RGS20: variants seen among roughly 807,000 people sequenced by gnomAD.
RGS20 encodes regulator of G protein signaling 20, also known as gz-selective GTPase-activating protein.
A neutral mutation model predicts 33.6 loss-of-function variants in RGS20; 30 were observed. The observed-to-expected ratio is 0.89, with a 90% CI of 0.67 to 1.21. RGS20 has a LOEUF of 1.21. Among genes scored for constraint, RGS20 ranks in the 50% most tolerant of loss-of-function variants. RGS20 has a pLI of 0.00. For missense variants in RGS20, 472 were observed against 502.4 expected (o/e 0.94, Z 0.58); for synonymous variants, 208 against 197.9 (o/e 1.05, Z -0.43).
intron 2 of RGS20, among the ~76,000 whole-genome samples, chr8:53,924,087 A>G (rs1006951541): frequency 2.0e-5 from 3 of 151,872 alleles, no homozygotes; most frequent in Non-Finnish European, 4.4e-5. Flanking sequence ...GAATGATTAT[A>G]GTTCACTGCA....
chr8:53,879,735 C>A (rs371425801), intron 2 of RGS20: 2 of 772,374 alleles, frequency 2.6e-6, no homozygotes, highest in East Asian at 3.3e-5. Context: ...TCGGGAAGGC[C>A]GGGACGTGGC....
At chr8:53,882,416 G>T (rs1812416726) in intron 2 of RGS20, among the ~76,000 whole-genome samples, 1 of 152,074 alleles carries the variant, frequency 6.6e-6, no homozygotes, top group Admixed American at 6.5e-5. Flanking sequence ...GCAGGGACGC[G>T]GCCGTGCGAG....
chr8:53,899,054 T>C (rs138437124), intron 2 of RGS20, among the ~76,000 whole-genome samples: 1 of 152,352 alleles, frequency 6.6e-6, no homozygotes, highest in African/African-American at 2.4e-5. Context: ...CCAGCTGTGA[T>C]GTGTTAACAG....
intron 2 of RGS20, among the ~76,000 whole-genome samples, chr8:53,901,891 A>T (rs921962414): frequency 3.0e-4 from 45 of 152,314 alleles, no homozygotes; most frequent in Non-Finnish European, 3.1e-4. Context: ...GATAGAATAG[A>T]ATGCAGAATG....
chr8:53,861,618 G>A (rs1325884742), intron 1 of RGS20, among the ~76,000 whole-genome samples: 1 of 152,160 alleles, frequency 6.6e-6, no homozygotes, highest in Admixed American at 6.5e-5. Flanking sequence ...GTGACCATTT[G>A]CCCAGAGGAT....
chr8:53,875,615 G>A (rs1325987167), intron 1 of RGS20, among the ~76,000 whole-genome samples: 2 of 152,038 alleles, frequency 1.3e-5, no homozygotes, highest in Non-Finnish European at 2.9e-5. Context: ...CATCTAAGTA[G>A]CTCTCATTTC....
intron 2 of RGS20, among the ~76,000 whole-genome samples, chr8:53,900,832 G>A (rs894622394): frequency 4.6e-5 from 7 of 152,108 alleles, no homozygotes; most frequent in East Asian, 3.9e-4. Context: ...TGTTTTAAGC[G>A]AGTGTTCTCT....
chr8:53,913,249 G>A (rs1372818280), intron 2 of RGS20, among the ~76,000 whole-genome samples: 1 of 152,058 alleles, frequency 6.6e-6, no homozygotes, highest in African/African-American at 2.4e-5. Flanking sequence ...ACAGACATGA[G>A]CCACCATGCC....
chr8:53,942,524 C>CA (rs569535340), intron 3 of RGS20, among the ~76,000 whole-genome samples: 116 of 150,474 alleles, frequency 7.7e-4, no homozygotes, highest in African/African-American at 2.5e-3. Context: ...CACACCCCTG[C>CA]AAAAAAAGGA....
chr8:53,944,905 C>T (rs1385999621), intron 3 of RGS20, among the ~76,000 whole-genome samples: 2 of 152,088 alleles, frequency 1.3e-5, no homozygotes, highest in Non-Finnish European at 2.9e-5. Context: ...AAATCAAAAC[C>T]ACAATGAAAT....
chr8:53,867,267 T>C (rs1404346773), intron 1 of RGS20, among the ~76,000 whole-genome samples: 1 of 152,056 alleles, frequency 6.6e-6, no homozygotes, highest in East Asian at 1.9e-4. Context: ...AAGTTGTTTT[T>C]TAAAAAAAAT....
rs369781757 is a variant in RGS20 at position 53,860,456 on chromosome 8, G to A, written c.165+8392G>A. ...AATATGCAAGACATTGTCTCAACAC[G>A]TTTTTGTAACTGTCTGTTCAAATTG... On this transcript the variant is annotated intron_variant, in intron 1 of 5. Coordinates refer to ENST00000297313, the MANE Select transcript of RGS20 (RefSeq NM_170587.4). Among the ~76,000 whole-genome samples, 6 of 152,310 alleles carry A rather than the reference G, an allele frequency of 3.9e-5. No homozygotes were observed. The South Asian group carries it at 6.2e-4, about 16-fold the overall frequency.
chr8:53,948,213 G>A (rs547882028), intron 4 of RGS20, among the ~76,000 whole-genome samples: 2 of 84,252 alleles, frequency 2.4e-5, no homozygotes, highest in African/African-American at 6.4e-5. Flanking sequence ...CTATATATAA[G>A]ATAGTATATA....
Position 53,950,853 on chromosome 8 carries a change from G to A in RGS20, c.744-3223G>A, listed in dbSNP as rs112880754. 8.8e-3 allele frequency among the ~76,000 whole-genome samples: 1,336 copies of A among 152,164 alleles called. 27 individuals carry two copies. The highest frequency in any genetic ancestry group is 0.03 in the African/African-American group (1,262 of 41,526). On this transcript the variant is annotated intron_variant, in intron 4 of 5. Transcript: ENST00000297313. ...TGGTCTCAAACTCCTGAGCTCAAGT[G>A]ATCTGTCCACCTCAGCCTCCCAAAG...
At chr8:53,907,804 T>C in intron 2 of RGS20, among the ~76,000 whole-genome samples, 1 of 152,108 alleles carries the variant, frequency 6.6e-6, no homozygotes, top group South Asian at 2.1e-4. Context: ...GGCCAAAAGA[T>C]TTAACCAGGA....
intron 1 of RGS20, among the ~76,000 whole-genome samples, chr8:53,857,323 C>T (rs1301426535): frequency 2.0e-5 from 3 of 152,312 alleles, no homozygotes; most frequent in East Asian, 3.9e-4. Flanking sequence ...GCTCCACAGG[C>T]CTTGTGGCTC....
At chr8:53,923,732 G>A (rs1298160608) in intron 2 of RGS20, among the ~76,000 whole-genome samples, 1 of 152,150 alleles carries the variant, frequency 6.6e-6, no homozygotes, top group South Asian at 2.1e-4. Flanking sequence ...GATGCGCTGC[G>A]TCTTTTTATC....
At chr8:53,918,028 T>G (rs971867345) in intron 2 of RGS20, among the ~76,000 whole-genome samples, 21 of 152,200 alleles carry the variant, frequency 1.4e-4, no homozygotes. Flanking sequence ...AACAGAATGT[T>G]TTTAAGACTT....
intron 1 of RGS20, among the ~76,000 whole-genome samples, chr8:53,870,081 G>A (rs987395591): frequency 2.9e-4 from 44 of 152,150 alleles, no homozygotes; most frequent in African/African-American, 9.2e-4. Flanking sequence ...TGGATTCTGT[G>A]TCACAGACTC....
Sources: allele counts gnomAD v4.1 joint callset (sites outside exome capture counted in the v4.1 genomes callset), GRCh38; gene constraint gnomAD v4.1.1; transcripts MANE v1.5; gene names NCBI Gene and HGNC (gene_info 2026-07-23, HGNC 2026-07-21).